The following DCHS2 variants were observed in gnomAD, a reference collection of about 807,000 sequenced individuals.
The protein encoded by DCHS2 is protocadherin-23.
A neutral mutation model predicts 182.4 loss-of-function variants in DCHS2; 142 were observed. The ratio of observed to expected loss-of-function variants is 0.78; its 90% CI spans 0.68 to 0.89. The LOEUF (loss-of-function observed/expected upper bound fraction) is 0.89. DCHS2 is among the 40% of genes least tolerant of loss of function. The probability of loss-of-function intolerance (pLI) is 0.00; values close to 1 mark genes in which losing one functional copy is unlikely to be tolerated. For synonymous variants in DCHS2, 1,740 were observed against 1,663.3 expected (o/e 1.05, Z -1.12); for missense variants, 4,319 against 4,198.6 (o/e 1.03, Z -0.79).
Position 154,489,488 on chromosome 4 carries a change from C to G in DCHS2, c.1868G>C (p.Arg623Pro), listed in dbSNP as rs565018645. ...CAGCTCCACCGCCTCCTGGACCTCTCGGTCTAGAGTCCGGATAGTGCTGAT... is the reference window on the plus strand; with the variant it reads ...CAGCTCCACCGCCTCCTGGACCTCTGGGTCTAGAGTCCGGATAGTGCTGAT... The part of the protein sequence containing the change: ...GAISTIRTLD[R>P]EVQEAVELKV... The change falls in exon 1 of 20, where the codon CGA becomes CCA. Residue 623 changes from arginine (R) to proline (P), a missense_variant. By Grantham distance (103) the Arg-to-Pro change is moderately radical. Transcript: ENST00000357232. 33 of 1,551,704 alleles carry G rather than the reference C, an allele frequency of 2.1e-5. No individual in the cohort carries two copies. Among genetic ancestry groups the G allele is most frequent in the Admixed American group, 9.8e-5 (5 of 51,004 alleles).
intron 13 of DCHS2, among the ~76,000 whole-genome samples, chr4:154,296,361 C>G (rs1168995999): frequency 1.3e-5 from 2 of 152,060 alleles, no homozygotes; most frequent in Non-Finnish European, 2.9e-5. Flanking sequence ...GTGGCATTCA[C>G]AGTAAAGAGC....
chr4:154,322,829 A>T (rs1434515525), intron 7 of DCHS2: 1 of 250,972 alleles, frequency 4.0e-6, no homozygotes, highest in African/African-American at 2.2e-5. Context: ...TCCAGAAGTC[A>T]TATTATTTCT....
At chr4:154,353,539 C>A (rs1279575244) in intron 3 of DCHS2, among the ~76,000 whole-genome samples, 2 of 152,170 alleles carry the variant, frequency 1.3e-5, no homozygotes, top group African/African-American at 4.8e-5. Context: ...AAGTCATCTC[C>A]ACCCTCATTG....
Position 154,334,883 on chromosome 4 carries a change from C to A in DCHS2, c.2698G>T (p.Ala900Ser). The stretch of plus-strand genomic sequence containing the variant: ...AAGTACTTACTCAAGGGCTCTCTTG[C>A]TTTCACTGTTCCAATGGGACTATCT... ...PEDSPIGTVKAREPLNSSEPI... is the reference protein window; with the variant it reads ...PEDSPIGTVKSREPLNSSEPI... Residue 900 changes from alanine (A) to serine (S), a missense_variant, in exon 4 of 20, where the codon GCA (alanine) becomes TCA (serine). Ala to Ser is a moderately conservative substitution (Grantham distance 99). Coordinates refer to ENST00000357232, the MANE Select transcript of DCHS2 (RefSeq NM_001358235.2). The A allele has an allele frequency of 6.2e-7, 1 of 1,613,432 alleles. No individual in the cohort carries two copies. The highest frequency in any genetic ancestry group is 1.7e-5 in the Admixed American group (1 of 60,028).
intron 2 of DCHS2, among the ~76,000 whole-genome samples, 155 bp from the exon 3 acceptor site, chr4:154,366,596 C>T (rs1032007063): frequency 3.3e-5 from 5 of 151,874 alleles, no homozygotes; most frequent in Non-Finnish European, 5.9e-5. Context: ...ATACACACAC[C>T]CCCATACATA....
In DCHS2 at chr4:154,233,637, A is replaced by AAAAT. The variant is rs1731296022; in HGVS notation, c.*895_*898dup. The AAAAT allele has an allele frequency of 6.6e-6, 1 of 152,214 alleles. No individual in the cohort carries two copies. Among genetic ancestry groups the AAAAT allele is most frequent in the African/African-American group, 2.4e-5 (1 of 41,468 alleles). The allele number at this position is 152,214 out of a possible 1,614,324, so 9.4% of individuals were successfully genotyped here. A position where few individuals can be genotyped will look rare whatever the true frequency, so the allele number is the denominator to read the frequency against. Reference sequence around the variant, plus strand: ...ACAAAAAAGTTACTGTATCTAGAAGAAAATAAAATGAAGACATTGCTATAA... The same window carrying AAAAT: ...ACAAAAAAGTTACTGTATCTAGAAGAAAATAAATAAAATGAAGACATTGCTATAA... On this transcript the variant is annotated 3_prime_UTR_variant, in exon 20 of 20. Coordinates refer to ENST00000357232, the MANE Select transcript of DCHS2 (RefSeq NM_001358235.2).
rs764838832 is a variant in DCHS2, at chr4:154,242,708, G to C, written c.7006C>G (p.Gln2336Glu). The C allele has an allele frequency of 4.3e-6, 7 of 1,613,096 alleles. No individual in the cohort carries two copies. Among genetic ancestry groups the C allele is most frequent in the East Asian group, 2.2e-5 (1 of 44,802 alleles). Residue 2336 changes from glutamine to glutamate, a missense_variant, in exon 17 of 20, where the codon CAG becomes GAG. Transcript: ENST00000357232. ...RLSNTTVIKV[Q>E]VTDINDNAPA... Reference sequence around the variant, plus strand: ...GCATTGTCATTTATATCAGTCACCTGTACCTTGATTACAGTCGTATTAGAA... The same window carrying C: ...GCATTGTCATTTATATCAGTCACCTCTACCTTGATTACAGTCGTATTAGAA...
At chr4:154,461,288 C>G (rs1009648044) in intron 1 of DCHS2, among the ~76,000 whole-genome samples, 2 of 152,114 alleles carry the variant, frequency 1.3e-5, no homozygotes, top group African/African-American at 4.8e-5. Flanking sequence ...CTTCAGTGTC[C>G]ATTTGTTATA....
intron 3 of DCHS2, among the ~76,000 whole-genome samples, chr4:154,352,743 G>A (rs1014011612): frequency 2.0e-5 from 3 of 152,188 alleles, no homozygotes; most frequent in Admixed American, 2.0e-4. Context: ...AAAAGTTTAA[G>A]TGATGTGAGA....
At chr4:154,263,959 T>C (rs913303978) in intron 14 of DCHS2, among the ~76,000 whole-genome samples, 2 of 150,076 alleles carry the variant, frequency 1.3e-5, no homozygotes, top group African/African-American at 4.9e-5. Context: ...AAGCTTGACT[T>C]TTTTTTTTAA....
Position 154,334,942 on chromosome 4 carries a change from T to G in DCHS2, c.2639A>C (p.Lys880Thr). 6.2e-7 allele frequency: 1 copy of G among 1,614,214 alleles called. No individual in the cohort carries two copies. The highest frequency in any genetic ancestry group is 8.5e-7 in the Non-Finnish European group (1 of 1,180,042). Residue 880 changes from lysine to threonine, a missense_variant, in exon 4 of 20, where the codon AAG becomes ACG. Coordinates refer to ENST00000357232, the MANE Select transcript of DCHS2 (RefSeq NM_001358235.2). ...TLAPAEFERP[K>T]YTFLVYEDVP... ...ATCTTCATAAACTAAGAAAGTGTACTTAGGCCTTTCAAACTCAGCAGGTGC... is the reference window on the plus strand; with the variant it reads ...ATCTTCATAAACTAAGAAAGTGTACGTAGGCCTTTCAAACTCAGCAGGTGC...
intron 10 of DCHS2, among the ~76,000 whole-genome samples, chr4:154,313,604 G>A (rs1735749270): frequency 6.6e-6 from 1 of 151,678 alleles, no homozygotes; most frequent in African/African-American, 2.4e-5. Context: ...GCATAATCCT[G>A]TTTCATTGTT....
In DCHS2 at chr4:154,236,947, C is replaced by A; in HGVS notation, c.7705G>T (p.Val2569Phe). 1.2e-6 allele frequency: 2 copies of A among 1,614,070 alleles called. No homozygotes were observed. The highest frequency in any genetic ancestry group is 1.7e-6 in the Non-Finnish European group (2 of 1,179,950). ...SEDALVGSTL[V>F]TFSNIDHDWT... is the part of the protein sequence containing the mutation. ...TCATGGTCGATGTTTGAAAATGTAA[C>A]AAGCGTGCTTCCAACCAGAGCATCC... Residue 2569 changes from valine to phenylalanine, a missense_variant, in exon 20 of 20, where the codon GTT (valine) becomes TTT (phenylalanine). Val to Phe is a conservative substitution (Grantham distance 50). Transcript: ENST00000357232.
intron 13 of DCHS2, among the ~76,000 whole-genome samples, chr4:154,273,862 T>C (rs4235240): frequency 0.87 from 132,445 of 152,054 alleles, 58,286 homozygotes; most frequent in East Asian, 0.97. Flanking sequence ...ACTGTCCTGA[T>C]TGGGGAGAGA....
Position 154,384,463 on chromosome 4 carries a change from A to G in DCHS2, c.2053-7019T>C, listed in dbSNP as rs181451213. 1.9e-6 allele frequency: 3 copies of G among 1,596,014 alleles called. No homozygotes were observed. The East Asian group carries it at 6.8e-5, about 36-fold the overall frequency. ...TCGGGACTACCTCTTTTCAATCCAC[A>G]CTGACTGCTTGTAGGGGACTGAATG... On this transcript the variant is annotated intron_variant, in intron 1 of 19. Transcript: ENST00000357232.
intron 13 of DCHS2, among the ~76,000 whole-genome samples, chr4:154,271,933 T>G (rs1733621023): frequency 6.6e-6 from 1 of 152,108 alleles, no homozygotes; most frequent in South Asian, 2.1e-4. Context: ...TTATGCCCAT[T>G]TCAGTTTTCT....
At chr4:154,307,149 G>C (rs62330256) in intron 10 of DCHS2, among the ~76,000 whole-genome samples, 21,320 of 152,104 alleles carry the variant, frequency 0.14, 1,700 homozygotes, top group South Asian at 0.22. Flanking sequence ...GGCTTATTTG[G>C]AATTTAACTA....
chr4:154,443,531 C>T (rs1244595907), intron 1 of DCHS2, among the ~76,000 whole-genome samples: 1 of 152,076 alleles, frequency 6.6e-6, no homozygotes, highest in Non-Finnish European at 1.5e-5. Context: ...CATATTTTCC[C>T]ACCCACAAAC....
chr4:154,236,387 C>T lies in DCHS2; in HGVS notation c.8265G>A (p.Val2755=). 1 of 1,614,074 alleles carries T rather than the reference C, an allele frequency of 6.2e-7. No homozygotes were observed. The highest frequency in any genetic ancestry group is 8.5e-7 in the Non-Finnish European group (1 of 1,179,962). ...CGTTATCATCCAGGACACTGACAAACACAACTGCAAAAGAAAAATGTTTCT... is the reference window on the plus strand; with the variant it reads ...CGTTATCATCCAGGACACTGACAAATACAACTGCAAAAGAAAAATGTTTCT... ...AEKKHFSFAV[V]FVSVLDDNDH... The change falls in exon 20 of 20, where the codon GTG becomes GTA. Residue 2755 remains valine, a synonymous_variant. Transcript: ENST00000357232.
Sources: gnomAD v4.1 joint callset for allele counts (sites outside exome capture counted in the v4.1 genomes callset) on GRCh38, gnomAD v4.1.1 for gene constraint, MANE v1.5 for transcripts, NCBI Gene and HGNC (gene_info 2026-07-23, HGNC 2026-07-21) for gene names.